Variants in LRMDA observed in about 807,000 individuals in gnomAD.
LRMDA encodes the protein leucine-rich melanocyte differentiation-associated protein.
A neutral mutation model predicts 29.8 loss-of-function variants in LRMDA; 18 were observed. The observed-to-expected ratio is 0.60, with a 90% CI of 0.42 to 0.90. The LOEUF is 0.90. Among genes scored for constraint, LRMDA ranks in the 40% least tolerant of loss-of-function variants. The pLI is 0.00. For missense variants in LRMDA, 273 were observed against 273.9 expected (o/e 1.00, Z 0.02); for synonymous variants, 125 against 109.4 (o/e 1.14, Z -0.89).
At chr10:75,597,366 T>C (rs914016861) in intron 2 of LRMDA, among the ~76,000 whole-genome samples, 2 of 152,198 alleles carry the variant, frequency 1.3e-5, no homozygotes, top group African/African-American at 4.8e-5. Flanking sequence ...GTTAAAACAA[T>C]GGCCAGTGGC....
At chr10:75,950,232 T>A (rs1846550682) in intron 2 of LRMDA, among the ~76,000 whole-genome samples, 1 of 152,206 alleles carries the variant, frequency 6.6e-6, no homozygotes, top group African/African-American at 2.4e-5. Flanking sequence ...TCTGCCCTTC[T>A]TTCCCTCTCT....
chr10:75,860,975 A>G (rs189085447), intron 2 of LRMDA, among the ~76,000 whole-genome samples: 3 of 152,270 alleles, frequency 2.0e-5, no homozygotes, highest in East Asian at 1.9e-4. Flanking sequence ...GTTCTAAGAG[A>G]TTTTTATAGA....
intron 2 of LRMDA, among the ~76,000 whole-genome samples, chr10:75,887,457 G>A (rs764103706): frequency 4.6e-5 from 7 of 152,080 alleles, no homozygotes; most frequent in African/African-American, 7.2e-5. Context: ...TGTTTCCCCC[G>A]AACATCATCT....
chr10:75,543,898 A>G (rs973517043), intron 2 of LRMDA, among the ~76,000 whole-genome samples: 1 of 152,086 alleles, frequency 6.6e-6, no homozygotes, highest in Non-Finnish European at 1.5e-5. Flanking sequence ...CACTCCTTTC[A>G]GTGACAGAAA....
At chr10:75,540,789 G>A (rs1321744748) in intron 2 of LRMDA, among the ~76,000 whole-genome samples, 1 of 152,140 alleles carries the variant, frequency 6.6e-6, no homozygotes, top group African/African-American at 2.4e-5. Flanking sequence ...GGCCCCTAGT[G>A]TTCAGAAGAG....
intron 2 of LRMDA, among the ~76,000 whole-genome samples, chr10:75,695,890 G>A (rs1842228046): frequency 6.6e-6 from 1 of 152,090 alleles, no homozygotes; most frequent in East Asian, 1.9e-4. Flanking sequence ...ACTGGAAAGG[G>A]CCATTACTTT....
intron 3 of LRMDA, among the ~76,000 whole-genome samples, chr10:76,040,564 C>T (rs1159494032): frequency 2.6e-5 from 4 of 151,784 alleles, no homozygotes; most frequent in Non-Finnish European, 4.4e-5. Context: ...CCACTGCTCA[C>T]ACTCTTTCTC....
At chr10:75,500,580 A>T (rs1312708426) in intron 2 of LRMDA, among the ~76,000 whole-genome samples, 1 of 152,198 alleles carries the variant, frequency 6.6e-6, no homozygotes, top group African/African-American at 2.4e-5. Flanking sequence ...CACTGCTACA[A>T]AAAAAGATGC....
rs1291542811 is a variant in LRMDA at position 76,557,644 on chromosome 10, G to C, written c.*356G>C. 3 of 261,106 alleles carry C rather than the reference G, an allele frequency of 1.1e-5. No individual in the cohort carries two copies. The highest frequency in any genetic ancestry group is 2.2e-5 in the Non-Finnish European group (3 of 136,860). 16.2% of individuals were successfully genotyped at this position (261,106 alleles called of 1,614,324 possible). ...AGAGGTCACACCTGGGGCCTCCCTG[G>C]ACATGCTCAGTGGCTGCAGTCAAGT... On this transcript the variant is annotated 3_prime_UTR_variant, in exon 7 of 7. Transcript: ENST00000611255.
At chr10:76,133,147 A>C (rs989969371) in intron 5 of LRMDA, among the ~76,000 whole-genome samples, 4 of 151,910 alleles carry the variant, frequency 2.6e-5, no homozygotes, top group African/African-American at 9.7e-5. Flanking sequence ...GGGTGACTTC[A>C]CTTTGGAATT....
chr10:75,953,468 G>A (rs952210713), intron 2 of LRMDA, among the ~76,000 whole-genome samples: 35 of 152,258 alleles, frequency 2.3e-4, no homozygotes, highest in African/African-American at 7.2e-4. Context: ...GTTCAGATAT[G>A]TGGGGCCCTG....
chr10:75,822,955 T>C lies in LRMDA; in HGVS notation c.132-213053T>C, dbSNP rs192943832. Among the ~76,000 whole-genome samples the C allele has an allele frequency of 9.5e-4, 145 of 152,338 alleles. 1 individual carries two copies. The highest frequency in any genetic ancestry group is 2.5e-3 in the African/African-American group (106 of 41,580). ...ATGCAGAAGAATGAAACTGGACTTC[T>C]ATCTCTTACCATATATAAAAATGAG... On this transcript the variant is annotated intron_variant, in intron 2 of 6. Coordinates refer to ENST00000611255, the MANE Select transcript of LRMDA (RefSeq NM_001305581.2).
intron 6 of LRMDA, among the ~76,000 whole-genome samples, chr10:76,527,098 A>G (rs866821104): frequency 4.7e-5 from 7 of 148,228 alleles, no homozygotes; most frequent in African/African-American, 1.5e-4. Flanking sequence ...TTAGAGCTAC[A>G]TTTGTCTGTT....
chr10:76,323,614 A>T (rs543241354), intron 5 of LRMDA, among the ~76,000 whole-genome samples: 1 of 152,286 alleles, frequency 6.6e-6, no homozygotes, highest in Admixed American at 6.5e-5. Context: ...GTTCTGAGTG[A>T]TAGCTGACCC....
intron 6 of LRMDA, among the ~76,000 whole-genome samples, chr10:76,357,160 G>C (rs376463701): frequency 2.6e-5 from 4 of 152,176 alleles, no homozygotes; most frequent in Non-Finnish European, 5.9e-5. Context: ...TGAGGTGGGG[G>C]TGCGATCAGG....
Position 75,521,522 on chromosome 10 carries a change from G to A in LRMDA, c.131+83028G>A, listed in dbSNP as rs541336885. 1.1e-4 allele frequency among the ~76,000 whole-genome samples: 16 copies of A among 152,354 alleles called. 1 individual carries two copies. Among genetic ancestry groups the A allele is most frequent in the African/African-American group, 2.4e-4 (10 of 41,602 alleles). ...GCGTGGGGCCCACCGAGCCAGGCAC[G>A]GGAGAGAATCTCCTGGTATCCCGGT... On this transcript the variant is annotated intron_variant, in intron 2 of 6. Transcript: ENST00000611255.
At chr10:75,887,475 A>AGCAG (rs970652078) in intron 2 of LRMDA, among the ~76,000 whole-genome samples, 15 of 152,080 alleles carry the variant, frequency 9.9e-5, no homozygotes, top group Non-Finnish European at 1.8e-4. Flanking sequence ...TCTCTGTCTT[A>AGCAG]GCAGGCTTCA....
intron 3 of LRMDA, among the ~76,000 whole-genome samples, chr10:76,044,701 T>A (rs749278570): frequency 1.3e-5 from 2 of 152,176 alleles, no homozygotes; most frequent in Non-Finnish European, 2.9e-5. Flanking sequence ...AGTCTCTATA[T>A]GAACTCCCAT....
At chr10:76,495,079 T>C (rs1451548433) in intron 6 of LRMDA, among the ~76,000 whole-genome samples, 1 of 151,884 alleles carries the variant, frequency 6.6e-6, no homozygotes, top group African/African-American at 2.4e-5. Context: ...AGAACTCTTT[T>C]CCTAGTCCTG....
Sources: gnomAD v4.1 joint callset for allele counts (sites outside exome capture counted in the v4.1 genomes callset) on GRCh38, gnomAD v4.1.1 for gene constraint, MANE v1.5 for transcripts, NCBI Gene and HGNC (gene_info 2026-07-23, HGNC 2026-07-21) for gene names.